GALNT13: variants seen among roughly 807,000 people sequenced by gnomAD.
GALNT13 encodes the protein UDP-GalNAc:polypeptide N-acetylgalactosaminyltransferase 13.
In GALNT13, 28 loss-of-function variants were observed where a neutral mutation model predicts 64.2. The ratio of observed to expected loss-of-function variants is 0.44; its 90% CI spans 0.32 to 0.60. The LOEUF (loss-of-function observed/expected upper bound fraction) is 0.60. GALNT13 is among the 20% of genes least tolerant of loss of function. The pLI is 0.05. For synonymous variants in GALNT13, 214 were observed against 224.6 expected, an observed-to-expected ratio of 0.95 and a Z score of 0.42; for missense variants, 577 against 669.8, an observed-to-expected ratio of 0.86 and a Z score of 1.53.
chr2:153,599,391 C>T, the GALNT13 span, among the ~76,000 whole-genome samples: 1 of 152,124 alleles, frequency 6.6e-6, no homozygotes, highest in East Asian at 1.9e-4. Flanking sequence ...ATCCTTCCCT[C>T]CCTGTTTCCT....
chr2:153,658,980 C>G, the GALNT13 span, among the ~76,000 whole-genome samples: 2 of 151,938 alleles, frequency 1.3e-5, no homozygotes, highest in Non-Finnish European at 2.9e-5. Flanking sequence ...ACTGTACTCA[C>G]AAGCATGAAA....
At chr2:153,918,611 A>G (rs1689550624) in intron 2 of GALNT13, among the ~76,000 whole-genome samples, 1 of 152,056 alleles carries the variant, frequency 6.6e-6, no homozygotes, top group Admixed American at 6.6e-5. Context: ...CCTTCTATTG[A>G]TGCCTCTTCC....
At chr2:154,035,603 A>G (rs1176128226) in intron 3 of GALNT13, among the ~76,000 whole-genome samples, 1 of 152,018 alleles carries the variant, frequency 6.6e-6, no homozygotes. Context: ...ACACTTAAAC[A>G]GTATGTTAGA....
the GALNT13 span, among the ~76,000 whole-genome samples, chr2:153,170,207 T>C: frequency 6.6e-6 from 1 of 152,198 alleles, no homozygotes; most frequent in Non-Finnish European, 1.5e-5. Flanking sequence ...AAAATAAACC[T>C]AATACGTTCC....
chr2:153,430,806 A>G, the GALNT13 span, among the ~76,000 whole-genome samples: 1 of 151,962 alleles, frequency 6.6e-6, no homozygotes, highest in Non-Finnish European at 1.5e-5. Context: ...ACCAGCTCTT[A>G]TATTTCTATA....
At chr2:153,767,674 A>G in the GALNT13 span, among the ~76,000 whole-genome samples, 1 of 152,024 alleles carries the variant, frequency 6.6e-6, no homozygotes. Flanking sequence ...TTCATTGTGG[A>G]CTTAATTTGC....
At chr2:154,167,763 G>C (rs1486330888) in intron 4 of GALNT13, among the ~76,000 whole-genome samples, 1 of 152,100 alleles carries the variant, frequency 6.6e-6, no homozygotes, top group East Asian at 1.9e-4. Flanking sequence ...AGCAGGTTGA[G>C]GATAGAGTCC....
At chr2:153,525,643 G>A in the GALNT13 span, among the ~76,000 whole-genome samples, 2 of 152,126 alleles carry the variant, frequency 1.3e-5, no homozygotes, top group East Asian at 1.9e-4. Flanking sequence ...AATGCCTGAC[G>A]ATCCCCCACC....
At chr2:153,527,354 G>A in the GALNT13 span, among the ~76,000 whole-genome samples, 5 of 152,270 alleles carry the variant, frequency 3.3e-5, no homozygotes, top group Admixed American at 2.6e-4. Context: ...ACATTGAAGT[G>A]GAAACCTTAC....
At chr2:153,800,588 G>A in the GALNT13 span, among the ~76,000 whole-genome samples, 1 of 152,290 alleles carries the variant, frequency 6.6e-6, no homozygotes, top group Non-Finnish European at 1.5e-5. Flanking sequence ...AAAACCTGCA[G>A]CTACATTATC....
At chr2:153,792,394 A>G in the GALNT13 span, among the ~76,000 whole-genome samples, 1 of 152,150 alleles carries the variant, frequency 6.6e-6, no homozygotes, top group Admixed American at 6.5e-5. Flanking sequence ...TTTAAAGTAT[A>G]CAGGAGGATG....
chr2:153,549,751 G>A, the GALNT13 span, among the ~76,000 whole-genome samples: 2 of 152,044 alleles, frequency 1.3e-5, no homozygotes, highest in East Asian at 3.9e-4. Flanking sequence ...TAAGTTCTGT[G>A]GTTGTTGGTT....
At chr2:153,501,321 G>A in the GALNT13 span, among the ~76,000 whole-genome samples, 3 of 151,684 alleles carry the variant, frequency 2.0e-5, no homozygotes, top group African/African-American at 7.3e-5. Flanking sequence ...TTTGCTTTTT[G>A]GTTTTTTTTG....
the GALNT13 span, among the ~76,000 whole-genome samples, chr2:153,336,159 C>A: frequency 6.6e-6 from 1 of 152,196 alleles, no homozygotes; most frequent in Non-Finnish European, 1.5e-5. Flanking sequence ...CCTGGGGAAC[C>A]TCTGCTAGGA....
At chr2:153,976,811 A>G (rs1260200227) in intron 3 of GALNT13, among the ~76,000 whole-genome samples, 1 of 152,108 alleles carries the variant, frequency 6.6e-6, no homozygotes, top group Non-Finnish European at 1.5e-5. Context: ...GAAAATTTGC[A>G]TATTTTTGTA....
the GALNT13 span, among the ~76,000 whole-genome samples, chr2:153,618,387 G>A: frequency 6.6e-6 from 1 of 151,560 alleles, no homozygotes; most frequent in Non-Finnish European, 1.5e-5. Flanking sequence ...CATAGAAGAT[G>A]TTTGACATTA....
intron 9 of GALNT13, among the ~76,000 whole-genome samples, chr2:154,376,627 T>C (rs551204261): frequency 6.6e-6 from 1 of 152,276 alleles, no homozygotes; most frequent in South Asian, 2.1e-4. Flanking sequence ...TGAATATCTT[T>C]TATACCAAAG....
At chr2:154,065,089 G>T (rs188389969) in intron 3 of GALNT13, among the ~76,000 whole-genome samples, 1 of 152,082 alleles carries the variant, frequency 6.6e-6, no homozygotes, top group Non-Finnish European at 1.5e-5. Flanking sequence ...CTGGTAGCCT[G>T]GCACAACTCT....
At chr2:154,424,528 TG>T (rs1292799133) in intron 11 of GALNT13, among the ~76,000 whole-genome samples, 1 of 152,118 alleles carries the variant, frequency 6.6e-6, no homozygotes, top group Non-Finnish European at 1.5e-5. Context: ...TCTGACCCTC[TG>T]GGGGTCTTTT....
Sources: gnomAD v4.1 joint callset for allele counts (sites outside exome capture counted in the v4.1 genomes callset) on GRCh38, gnomAD v4.1.1 for gene constraint, MANE v1.5 for transcripts, NCBI Gene and HGNC (gene_info 2026-07-23, HGNC 2026-07-21) for gene names.